The following GALNT9 variants were observed in gnomAD, a reference collection of about 807,000 sequenced individuals.
GALNT9 encodes the protein polypeptide N-acetylgalactosaminyltransferase 9, also known as GalNAc transferase 9.
A neutral mutation model predicts 63.1 loss-of-function variants in GALNT9; 47 were observed. The observed-to-expected ratio is 0.75, with a 90% confidence interval of 0.59 to 0.95. The LOEUF is 0.95. GALNT9 is among the 40% of genes least tolerant of loss of function. The pLI, the probability that GALNT9 is intolerant of heterozygous loss-of-function variation, is 0.00. For synonymous variants in GALNT9, 396 were observed against 365.7 expected (o/e 1.08, Z -0.94); for missense variants, 829 against 874.8 (o/e 0.95, Z 0.66).
At position 132,196,387 on chromosome 12, in the gene GALNT9, A is replaced by G; in HGVS notation, c.*720T>C. ...AGCAACTGGGTGTGGCTGGGCGCCAATAAAACTGTATTTATTAAAACAGGC... is the reference window on the plus strand; with the variant it reads ...AGCAACTGGGTGTGGCTGGGCGCCAGTAAAACTGTATTTATTAAAACAGGC... On this transcript the variant is annotated 3_prime_UTR_variant, in exon 11 of 11. Coordinates refer to ENST00000328957, the MANE Select transcript of GALNT9 (RefSeq NM_001122636.2). 3.1e-6 allele frequency: 3 copies of G among 971,830 alleles called. No individual in the cohort carries two copies. The highest frequency in any genetic ancestry group is 2.4e-6 in the Non-Finnish European group (2 of 817,622). 60.2% of individuals were successfully genotyped at this position (971,830 alleles called of 1,614,324 possible). A position where few individuals can be genotyped will look rare whatever the true frequency, so the allele number is the denominator to read the frequency against.
At chr12:132,302,135 G>A (rs1391811822) in intron 1 of GALNT9, among the ~76,000 whole-genome samples, 3 of 151,862 alleles carry the variant, frequency 2.0e-5, no homozygotes, top group East Asian at 1.9e-4. Context: ...GATTAGTTTT[G>A]TTTCACTGCC....
chr12:132,310,370 G>A lies in GALNT9; in HGVS notation c.238+18596C>T, dbSNP rs1881770421. Among the ~76,000 whole-genome samples, 1 of 152,214 alleles carries A rather than the reference G, an allele frequency of 6.6e-6. No individual in the cohort carries two copies. The highest frequency in any genetic ancestry group is 6.5e-5 in the Admixed American group (1 of 15,280). ...TGAGTTCCCTCACCCAGAGGAGCCG[G>A]GGCTGAGTGCCAGGAGTGAGAGCGC... is the stretch of plus-strand genomic sequence containing the variant. On this transcript the variant is annotated intron_variant, in intron 1 of 10. Transcript: ENST00000328957. The surrounding 1 kb of genome is among the most constrained non-coding windows in gnomAD (Gnocchi z 4.8).
Position 132,308,018 on chromosome 12 carries a change from A to T in GALNT9, c.238+20948T>A, listed in dbSNP as rs184444914. ...GCCACTGCACTCCAGCCTGGGCAACAGAGTGAGACCCTGTCTCAAAAAAAA... is the reference window on the plus strand; with the variant it reads ...GCCACTGCACTCCAGCCTGGGCAACTGAGTGAGACCCTGTCTCAAAAAAAA... On this transcript the variant is annotated intron_variant, in intron 1 of 10. Coordinates refer to ENST00000328957, the MANE Select transcript of GALNT9 (RefSeq NM_001122636.2). Among the ~76,000 whole-genome samples, 3 of 146,278 alleles carry T rather than the reference A, an allele frequency of 2.1e-5. No individual in the cohort carries two copies. The East Asian group carries it at 6.2e-4, about 30-fold the overall frequency.
chr12:132,248,935 G>A (rs1285219618), intron 5 of GALNT9, among the ~76,000 whole-genome samples: 2 of 152,144 alleles, frequency 1.3e-5, no homozygotes, highest in African/African-American at 2.4e-5. Flanking sequence ...CAGGATCTGC[G>A]GAGCAGTGAA....
intron 5 of GALNT9, among the ~76,000 whole-genome samples, chr12:132,250,651 C>T (rs1234141991): frequency 2.0e-5 from 3 of 152,132 alleles, no homozygotes; most frequent in Non-Finnish European, 4.4e-5. Context: ...ATTAGCCGGG[C>T]GTGGTGGTGT....
chr12:132,240,635 C>T (rs2136899007), intron 6 of GALNT9: 3 of 450,826 alleles, frequency 6.7e-6, no homozygotes, highest in Non-Finnish European at 1.3e-5. Flanking sequence ...GCTCTATGGG[C>T]CTCGGACCTG....
At position 132,196,969 on chromosome 12, in the gene GALNT9, G is replaced by C; in HGVS notation, c.*138C>G. The C allele has an allele frequency of 1.3e-6, 2 of 1,496,614 alleles. No homozygotes were observed. Among genetic ancestry groups the C allele is most frequent in the South Asian group, 1.4e-5 (1 of 73,984 alleles). 92.7% of individuals were successfully genotyped at this position (1,496,614 alleles called of 1,614,324 possible). A position where few individuals can be genotyped will look rare whatever the true frequency, so the allele number is the denominator to read the frequency against. The stretch of plus-strand genomic sequence containing the variant: ...CACCCTGGTCACTCAGCCACACCCC[G>C]GCCCCTCAGCCTCTGCTGTCCTGGC... On this transcript the variant is annotated 3_prime_UTR_variant, in exon 11 of 11. Coordinates refer to ENST00000328957, the MANE Select transcript of GALNT9 (RefSeq NM_001122636.2).
At chr12:132,289,022 C>T (rs1369036543) in intron 1 of GALNT9, among the ~76,000 whole-genome samples, 3 of 152,192 alleles carry the variant, frequency 2.0e-5, no homozygotes, top group Non-Finnish European at 2.9e-5. Flanking sequence ...TTTGTTTCTG[C>T]CTGTCTCTGG....
rs1869107001 is a variant in GALNT9 at position 132,327,899 on chromosome 12, C to T, written c.238+1067G>A. Among the ~76,000 whole-genome samples, 1 of 151,840 alleles carries T rather than the reference C, an allele frequency of 6.6e-6. No individual in the cohort carries two copies. The highest frequency in any genetic ancestry group is 1.5e-5 in the Non-Finnish European group (1 of 67,950). On this transcript the variant is annotated intron_variant, in intron 1 of 10. Coordinates refer to ENST00000328957, the MANE Select transcript of GALNT9 (RefSeq NM_001122636.2). The surrounding 1 kb of genome is among the most constrained non-coding windows in gnomAD (Gnocchi z 4.3). ...CGCAAGACCACCCCCCGCCTTTGCC[C>T]CCACACACAGCAGGCACATCCGGAG... is the stretch of plus-strand genomic sequence containing the variant.
chr12:132,240,810 C>T (rs1350694505), intron 6 of GALNT9: 2 of 425,524 alleles, frequency 4.7e-6, no homozygotes, highest in Non-Finnish European at 9.4e-6. Context: ...ATGCCACACA[C>T]CCTTCCCAAG....
chr12:132,293,831 C>T (rs982246499), intron 1 of GALNT9, among the ~76,000 whole-genome samples: 3 of 151,592 alleles, frequency 2.0e-5, no homozygotes, highest in Non-Finnish European at 3.0e-5. Flanking sequence ...AACGAGAAGC[C>T]GGGGGATCCC....
chr12:132,313,168 TCCAC>T (rs1296207975), intron 1 of GALNT9, among the ~76,000 whole-genome samples: 1 of 55,590 alleles, frequency 1.8e-5, no homozygotes, highest in Non-Finnish European at 3.4e-5. Flanking sequence ...CACCCATCCA[TCCAC>T]CCACCCACCC....
intron 6 of GALNT9, chr12:132,247,592 C>T (rs961177223): frequency 3.7e-6 from 2 of 538,134 alleles, no homozygotes; most frequent in Admixed American, 2.2e-5. Context: ...TCGCCCTCAC[C>T]CTGTCCCCGG....
chr12:132,318,236 C>T (rs1054044629), intron 1 of GALNT9, among the ~76,000 whole-genome samples: 5 of 152,230 alleles, frequency 3.3e-5, no homozygotes, highest in Non-Finnish European at 7.3e-5. Context: ...CAGCCAAGGG[C>T]CTGAGCACAG....
intron 6 of GALNT9, among the ~76,000 whole-genome samples, chr12:132,221,484 C>T (rs1218896065): frequency 6.7e-6 from 1 of 149,300 alleles, no homozygotes; most frequent in African/African-American, 2.5e-5. Flanking sequence ...CATGGTGAAA[C>T]CCATCTCTAC....
chr12:132,240,157 G>T (rs2136897832), intron 6 of GALNT9, among the ~76,000 whole-genome samples: 1,599 of 152,326 alleles, frequency 0.01, 22 homozygotes, highest in African/African-American at 0.034. Flanking sequence ...CTGAGAACAA[G>T]CGTATTTAGG....
In GALNT9 at chr12:132,282,471, A is replaced by G. The variant is rs190381583; in HGVS notation, c.419+3779T>C. The stretch of plus-strand genomic sequence containing the variant: ...TGCGTGTGCATGTGTGTGTGCACGC[A>G]TGTGGTAATTTATTGCAAAGTCAAG... On this transcript the variant is annotated intron_variant, in intron 2 of 10. Transcript: ENST00000328957. This position sits in a 1 kb window ranked among gnomAD's most constrained non-coding sequence, Gnocchi z 4.5. Among the ~76,000 whole-genome samples the G allele has an allele frequency of 6.3e-4, 96 of 152,328 alleles. 2 individuals are homozygous for G. The East Asian group carries it at 0.013, about 20-fold the overall frequency.
Position 132,329,300 on chromosome 12 carries a change from CGGGGCTGCG to C in GALNT9, c.-106_-98del. 6.9e-7 allele frequency: 1 copy of C among 1,439,596 alleles called. No homozygotes were observed. Among genetic ancestry groups the C allele is most frequent in the South Asian group, 1.4e-5 (1 of 69,708 alleles). The allele number at this position is 1,439,596 out of a possible 1,614,324, so 89.2% of individuals were successfully genotyped here. On this transcript the variant is annotated 5_prime_UTR_variant, in exon 1 of 11. Transcript: ENST00000328957. The stretch of plus-strand genomic sequence containing the variant: ...TCGGCTTCGGGGACCATGAGCCGCC[CGGGGCTGCG>C]GGGGCTGCGGGGCTCGGCCGGAGCT...
chr12:132,290,548 A>G (rs1300328681), intron 1 of GALNT9, among the ~76,000 whole-genome samples: 7 of 151,970 alleles, frequency 4.6e-5, no homozygotes, highest in Admixed American at 3.9e-4. Context: ...ACCCACATCC[A>G]GAGCACCCAC....
Sources: gnomAD v4.1 joint callset for allele counts (sites outside exome capture counted in the v4.1 genomes callset) on GRCh38, gnomAD v4.1.1 for gene constraint, Gnocchi (gnomAD v3.1) non-coding constraint, MANE v1.5 for transcripts, NCBI Gene and HGNC (gene_info 2026-07-23, HGNC 2026-07-21) for gene names.